Variants in CD200R1 observed in about 807,000 individuals in gnomAD.
CD200R1 encodes the protein CD200 receptor 1, also known as cell surface glycoprotein CD200 receptor 1.
Under a neutral mutation model 38.1 loss-of-function variants are expected in CD200R1, and 30 were observed. The ratio of observed to expected loss-of-function variants is 0.79; its 90% CI spans 0.59 to 1.07. The LOEUF (loss-of-function observed/expected upper bound fraction) is 1.07, where lower values mean the gene tolerates loss of function less well. CD200R1 is among the 50% of genes least tolerant of loss of function. CD200R1 has a pLI of 0.00. For synonymous variants in CD200R1, 128 were observed against 152.1 expected (o/e 0.84, Z 1.16); for missense variants, 372 against 415.4 (o/e 0.90, Z 0.91).
chr3:112,974,656 T>C, intron 1 of CD200R1, 135 bp downstream of exon 1: 1 of 661,254 alleles, frequency 1.5e-6, no homozygotes, highest in Non-Finnish European at 2.7e-6. Flanking sequence ...GATATGGGAG[T>C]AACCCATATT....
At chr3:112,942,907 G>T (rs1203926066) in intron 2 of CD200R1, among the ~76,000 whole-genome samples, 2 of 151,624 alleles carry the variant, frequency 1.3e-5, no homozygotes, top group Non-Finnish European at 3.0e-5. Flanking sequence ...AATAATATAT[G>T]AGTCAATTCT....
intron 2 of CD200R1, among the ~76,000 whole-genome samples, chr3:112,933,108 G>A (rs1006660552): frequency 6.6e-6 from 1 of 152,092 alleles, no homozygotes; most frequent in Admixed American, 6.5e-5. Flanking sequence ...AGCAGGTGGG[G>A]ACCTGTACCC....
intron 1 of CD200R1, among the ~76,000 whole-genome samples, chr3:112,972,102 C>G (rs1002381788): frequency 6.6e-6 from 1 of 152,194 alleles, no homozygotes; most frequent in African/African-American, 2.4e-5. Context: ...CACACACACA[C>G]AGACATTAAT....
At chr3:112,956,428 T>C (rs1254130517) in intron 1 of CD200R1, among the ~76,000 whole-genome samples, 1 of 152,226 alleles carries the variant, frequency 6.6e-6, no homozygotes, top group Non-Finnish European at 1.5e-5. Flanking sequence ...TTTCATTGAA[T>C]TGTTTCTCTG....
In CD200R1 at chr3:112,922,926, C is replaced by T. The variant is rs891850883; in HGVS notation, c.*751G>A. 3 of 151,706 alleles carry T rather than the reference C, an allele frequency of 2.0e-5. No individual in the cohort carries two copies. The highest frequency in any genetic ancestry group is 7.3e-5 in the African/African-American group (3 of 41,372). 9.4% of individuals were successfully genotyped at this position (151,706 alleles called of 1,614,324 possible). A position where few individuals can be genotyped will look rare whatever the true frequency, so the allele number is the denominator to read the frequency against. On this transcript the variant is annotated 3_prime_UTR_variant, in exon 8 of 8. Transcript: ENST00000308611. ...GCACAAACCCTTTGACCTGACAATTCCACTCAAGAAAGTTATCCTACAGAT... is the reference window on the plus strand; with the variant it reads ...GCACAAACCCTTTGACCTGACAATTTCACTCAAGAAAGTTATCCTACAGAT...
intron 2 of CD200R1, among the ~76,000 whole-genome samples, chr3:112,946,922 A>T (rs577623631): frequency 1.3e-5 from 2 of 150,178 alleles, no homozygotes; most frequent in East Asian, 3.9e-4. Flanking sequence ...ACTGTGGTAT[A>T]GTCAAACAAT....
intron 2 of CD200R1, among the ~76,000 whole-genome samples, chr3:112,942,272 G>A (rs1472986397): frequency 6.6e-6 from 1 of 151,564 alleles, no homozygotes; most frequent in Non-Finnish European, 1.5e-5. Context: ...TTATGTATGT[G>A]TTATGTATAA....
chr3:112,931,431 A>T (rs1940435827), intron 2 of CD200R1, among the ~76,000 whole-genome samples: 1 of 152,212 alleles, frequency 6.6e-6, no homozygotes, highest in African/African-American at 2.4e-5. Flanking sequence ...ATTTTGAAAA[A>T]GATAAACCTG....
intron 2 of CD200R1, among the ~76,000 whole-genome samples, chr3:112,936,267 C>T (rs996345639): frequency 2.6e-4 from 39 of 152,118 alleles, no homozygotes; most frequent in African/African-American, 8.7e-4. Context: ...TGAACATACA[C>T]GTGCATGTAT....
At chr3:112,972,058 T>C (rs1328397059) in intron 1 of CD200R1, among the ~76,000 whole-genome samples, 2 of 152,218 alleles carry the variant, frequency 1.3e-5, no homozygotes, top group Non-Finnish European at 2.9e-5. Flanking sequence ...GTCTTTCTAA[T>C]TTAGATTACT....
chr3:112,947,817 A>T, intron 2 of CD200R1, 39 bp downstream of exon 2: 3 of 1,335,678 alleles, frequency 2.2e-6, no homozygotes, highest in South Asian at 1.2e-5. Context: ...GACATCAAGC[A>T]CTCCCCTACT....
At chr3:112,932,628 T>A (rs1383126150) in intron 2 of CD200R1, among the ~76,000 whole-genome samples, 1 of 151,684 alleles carries the variant, frequency 6.6e-6, no homozygotes, top group Non-Finnish European at 1.5e-5. Flanking sequence ...TACACCCCCA[T>A]GACTAATCAG....
At chr3:112,960,182 C>T (rs1028600689) in intron 1 of CD200R1, among the ~76,000 whole-genome samples, 1 of 152,000 alleles carries the variant, frequency 6.6e-6, no homozygotes. Context: ...AAGCATATGG[C>T]TTTTTCCTCA....
rs183947475 is a variant in CD200R1, at chr3:112,961,106, T to C, written c.68-13182A>G. ...CTCAAAGTTCTGGCAGAGACAATTA[T>C]AGAAAAAAATTTCAAAATTAAAATA... On this transcript the variant is annotated intron_variant, in intron 1 of 7. Coordinates refer to ENST00000308611, the MANE Select transcript of CD200R1 (RefSeq NM_138806.4). Among the ~76,000 whole-genome samples the C allele has an allele frequency of 1.2e-3, 180 of 152,114 alleles. 1 individual carries two copies. Among genetic ancestry groups the C allele is most frequent in the Non-Finnish European group, 2.7e-4 (18 of 67,910 alleles).
At chr3:112,960,907 TTAC>T (rs1360728830) in intron 1 of CD200R1, among the ~76,000 whole-genome samples, 1 of 152,106 alleles carries the variant, frequency 6.6e-6, no homozygotes, top group African/African-American at 2.4e-5. Context: ...AGATTAGTAC[TTAC>T]TTTTTTATTT....
intron 2 of CD200R1, among the ~76,000 whole-genome samples, chr3:112,945,737 CTG>C (rs1408320691): frequency 6.6e-6 from 1 of 152,210 alleles, no homozygotes; most frequent in African/African-American, 2.4e-5. Flanking sequence ...AATTTCTACT[CTG>C]TGAAAAATTT....
At chr3:112,942,045 G>A (rs1344618479) in intron 2 of CD200R1, among the ~76,000 whole-genome samples, 1 of 151,546 alleles carries the variant, frequency 6.6e-6, no homozygotes, top group Non-Finnish European at 1.5e-5. Flanking sequence ...AAAAATTGTG[G>A]GAATTTGTTG....
chr3:112,974,950 ACTT>A lies in CD200R1; in HGVS notation c.-96_-94del. ...CGCATGGTGAGACCCTCTCTGGTCA[ACTT>A]CTCAGTACAGGATCCTCTTACCCCA... On this transcript the variant is annotated 5_prime_UTR_variant, in exon 1 of 8. Transcript: ENST00000308611. 1.1e-6 allele frequency: 1 copy of A among 940,338 alleles called. No individual in the cohort carries two copies. Among genetic ancestry groups the A allele is most frequent in the Non-Finnish European group, 1.7e-6 (1 of 585,106 alleles). The allele number at this position is 940,338 out of a possible 1,614,324, so 58.2% of individuals were successfully genotyped here.
chr3:112,956,307 ATTTTTCATT>A (rs1474992234), intron 1 of CD200R1, among the ~76,000 whole-genome samples: 2 of 149,822 alleles, frequency 1.3e-5, no homozygotes, highest in African/African-American at 4.9e-5. Flanking sequence ...TCTACATTGT[ATTTTTCATT>A]TTTTTCATTG....
Sources: gnomAD v4.1 joint callset for allele counts (sites outside exome capture counted in the v4.1 genomes callset) on GRCh38, gnomAD v4.1.1 for gene constraint, MANE v1.5 for transcripts, NCBI Gene and HGNC (gene_info 2026-07-23, HGNC 2026-07-21) for gene names.